TMEM266: variants seen among roughly 807,000 people sequenced by gnomAD.
The protein encoded by TMEM266 is transmembrane protein 266.
A neutral mutation model predicts 50.5 loss-of-function variants in TMEM266; 33 were observed. The ratio of observed to expected loss-of-function variants is 0.65; its 90% CI spans 0.50 to 0.87. The LOEUF (loss-of-function observed/expected upper bound fraction) is 0.87. Ranked by LOEUF, TMEM266 falls within the 40% of genes least tolerant of loss-of-function variation. The pLI is 0.00. For synonymous variants in TMEM266, 310 were observed against 292.3 expected, an observed-to-expected ratio of 1.06 and a Z score of -0.62; for missense variants, 655 against 695.1, an observed-to-expected ratio of 0.94 and a Z score of 0.65.
chr15:76,191,497 CA>C, intron 8 of TMEM266: 1 of 153,460 alleles, frequency 6.5e-6, no homozygotes. Context: ...GTGTTCAGAC[CA>C]GCGGGCAGTG....
intron 1 of TMEM266, among the ~76,000 whole-genome samples, chr15:76,090,793 G>A (rs1043000003): frequency 6.6e-6 from 1 of 152,144 alleles, no homozygotes; most frequent in African/African-American, 2.4e-5. Context: ...GGGAGAGGTT[G>A]TCTAACAGAT....
chr15:76,114,816 T>C (rs886733597), intron 1 of TMEM266, among the ~76,000 whole-genome samples: 2 of 152,196 alleles, frequency 1.3e-5, no homozygotes, highest in African/African-American at 2.4e-5. Context: ...GGAAACCCCA[T>C]TAAAGTCACT....
chr15:76,190,964 G>T (rs2038558875), intron 8 of TMEM266, among the ~76,000 whole-genome samples: 1 of 152,208 alleles, frequency 6.6e-6, no homozygotes, highest in Admixed American at 6.5e-5. Context: ...CTTCCCGCGA[G>T]CCCGCGGCCG....
chr15:76,074,820 G>C (rs540813933), intron 1 of TMEM266, among the ~76,000 whole-genome samples: 1 of 152,178 alleles, frequency 6.6e-6, no homozygotes, highest in African/African-American at 2.4e-5. Flanking sequence ...GTAAGAGATG[G>C]GGTAGCTTGA....
At chr15:76,104,759 G>A (rs140035734) in intron 1 of TMEM266, among the ~76,000 whole-genome samples, 33 of 152,266 alleles carry the variant, frequency 2.2e-4, no homozygotes, top group African/African-American at 7.9e-4. Flanking sequence ...GGGAGAAGGT[G>A]TAAAGTAGTC....
intron 3 of TMEM266, among the ~76,000 whole-genome samples, chr15:76,148,389 A>G (rs1044867497): frequency 1.3e-5 from 2 of 152,146 alleles, no homozygotes; most frequent in Non-Finnish European, 2.9e-5. Flanking sequence ...CCCGGTAGGA[A>G]GCTGACCGCC....
intron 5 of TMEM266, among the ~76,000 whole-genome samples, chr15:76,162,524 A>T (rs2038034138): frequency 6.6e-6 from 1 of 152,214 alleles, no homozygotes; most frequent in Admixed American, 6.5e-5. Context: ...AGGAGAGCTC[A>T]GTGTCCGTCA....
chr15:76,120,728 T>C (rs1240167789), intron 1 of TMEM266, among the ~76,000 whole-genome samples: 1 of 126,586 alleles, frequency 7.9e-6, no homozygotes, highest in Non-Finnish European at 1.5e-5. Flanking sequence ...GCCGCTGCAC[T>C]CCAGCCTGGG....
At chr15:76,066,510 A>G (rs1329265303) in intron 1 of TMEM266, among the ~76,000 whole-genome samples, 2 of 152,088 alleles carry the variant, frequency 1.3e-5, no homozygotes, top group Non-Finnish European at 2.9e-5. Context: ...TATCAAATCT[A>G]TCAACCCTTC....
At chr15:76,061,324 T>C (rs1455437087) in intron 1 of TMEM266, among the ~76,000 whole-genome samples, 1 of 152,220 alleles carries the variant, frequency 6.6e-6, no homozygotes. Context: ...TGAGCTCATT[T>C]AGTCCTCACA....
chr15:76,192,019 G>A lies in TMEM266; in HGVS notation c.820G>A (p.Ala274Thr), dbSNP rs1399003093. Reference sequence around the variant, plus strand: ...CCTGGCGCAGCAGGACCTGGACCTGGCTGCCGAGCGCGAAGCGGCGCTCCA... The same window carrying A: ...CCTGGCGCAGCAGGACCTGGACCTGACTGCCGAGCGCGAAGCGGCGCTCCA... Residue 274 changes from alanine (A) to threonine (T), a missense_variant, in exon 9 of 11, where the codon GCT becomes ACT. This residue lies in a region of TMEM266 where 455 missense variants were observed against 401.8 expected (regional missense o/e 1.13). Transcript: ENST00000388942. 3 of 1,573,698 alleles carry A rather than the reference G, an allele frequency of 1.9e-6. No individual in the cohort carries two copies. Among genetic ancestry groups the A allele is most frequent in the African/African-American group, 2.8e-5 (2 of 70,848 alleles).
At chr15:76,070,224 G>A (rs988573173) in intron 1 of TMEM266, among the ~76,000 whole-genome samples, 6 of 152,202 alleles carry the variant, frequency 3.9e-5, no homozygotes, top group African/African-American at 1.4e-4. Flanking sequence ...AGTCATGGAT[G>A]GCTGCTTCAC....
chr15:76,191,803 C>A (rs113637996), intron 8 of TMEM266, 165 bp from the exon 9 acceptor site: 27 of 650,416 alleles, frequency 4.2e-5, no homozygotes, highest in African/African-American at 3.3e-4. Flanking sequence ...GAAGCTCTTG[C>A]GAACCGCGAT....
intron 1 of TMEM266, among the ~76,000 whole-genome samples, chr15:76,072,034 G>T (rs1042122368): frequency 6.6e-6 from 1 of 152,114 alleles, no homozygotes; most frequent in Non-Finnish European, 1.5e-5. Flanking sequence ...CAGCAGGGCC[G>T]GTTTGAAGAC....
At chr15:76,077,187 ACTC>A (rs1442262581) in intron 1 of TMEM266, among the ~76,000 whole-genome samples, 5 of 151,750 alleles carry the variant, frequency 3.3e-5, no homozygotes, top group African/African-American at 7.3e-5. Flanking sequence ...CTGGTCTCGA[ACTC>A]CTGAGCTCAA....
intron 1 of TMEM266, among the ~76,000 whole-genome samples, chr15:76,067,523 C>T (rs536907938): frequency 1.3e-5 from 2 of 151,456 alleles, no homozygotes; most frequent in Admixed American, 1.3e-4. Context: ...CATGCCTGTA[C>T]TCGGGAGGCT....
chr15:76,142,377 GCGAGAC>G (rs1387920940), intron 3 of TMEM266, among the ~76,000 whole-genome samples: 1 of 152,220 alleles, frequency 6.6e-6, no homozygotes, highest in East Asian at 1.9e-4. Flanking sequence ...GGGTGACAGA[GCGAGAC>G]TCCGTCTCAA....
chr15:76,148,050 AC>A (rs1392013618), intron 3 of TMEM266, among the ~76,000 whole-genome samples: 1 of 152,210 alleles, frequency 6.6e-6, no homozygotes, highest in Non-Finnish European at 1.5e-5. Flanking sequence ...GTCCGTCCCC[AC>A]CTGCTCACAA....
At chr15:76,140,578 C>T (rs1350761268) in intron 3 of TMEM266, among the ~76,000 whole-genome samples, 1 of 152,152 alleles carries the variant, frequency 6.6e-6, no homozygotes, top group East Asian at 1.9e-4. Flanking sequence ...GGCCCCGCTG[C>T]CCGCCTCCCA....
Sources: allele counts gnomAD v4.1 joint callset (sites outside exome capture counted in the v4.1 genomes callset), GRCh38; gene constraint gnomAD v4.1.1; regional missense constraint gnomAD v4.1.1; transcripts MANE v1.5; gene names NCBI Gene and HGNC (gene_info 2026-07-23, HGNC 2026-07-21).